Variants in CTBP2 observed in about 807,000 individuals in gnomAD.
CTBP2 encodes the protein C-terminal-binding protein 2.
A neutral mutation model predicts 80.3 loss-of-function variants in CTBP2; 30 were observed. The observed-to-expected ratio is 0.37, with a 90% CI of 0.28 to 0.51. The LOEUF is 0.51. CTBP2 is among the 20% of genes least tolerant of loss of function. CTBP2 has a pLI of 0.93. For synonymous variants in CTBP2, 594 were observed against 587.4 expected (o/e 1.01, Z -0.16); for missense variants, 1,212 against 1,375.3 (o/e 0.88, Z 1.88).
chr10:125,064,286 T>C (rs544751336), intron 2 of CTBP2, among the ~76,000 whole-genome samples: 35 of 152,338 alleles, frequency 2.3e-4, no homozygotes, highest in African/African-American at 8.2e-4. Context: ...CAACAATGGA[T>C]TGATCTTTTT....
chr10:125,068,632 G>C (rs12572463), intron 2 of CTBP2, among the ~76,000 whole-genome samples: 11,689 of 152,228 alleles, frequency 0.077, 698 homozygotes, highest in East Asian at 0.29. Flanking sequence ...GATGGCCAGG[G>C]TGCAAAGGTC....
In CTBP2 at chr10:125,124,695, A is replaced by G. The variant is rs921251516; in HGVS notation, c.-205-13602T>C. 3.9e-5 allele frequency among the ~76,000 whole-genome samples: 6 copies of G among 152,364 alleles called. No homozygotes were observed. In the East Asian group the frequency reaches 1.2e-3, roughly 29 times the overall value. ...AAAAATTATATTCTACATACATTAA[A>G]TATATAATTTGATTAAACATATTTA... is the stretch of plus-strand genomic sequence containing the variant. On this transcript the variant is annotated intron_variant, in intron 1 of 10. Transcript: ENST00000337195.
chr10:125,038,979 C>A lies in CTBP2; in HGVS notation c.58+18G>T, dbSNP rs77811388. On this transcript the variant is annotated intron_variant, in intron 3 of 10. Transcript: ENST00000337195. ...GGGACTACGTATGTTTGGTAAAAAC[C>A]GCCAAACACGCTCTTACCTTCACAA... 1,040 of 1,611,674 alleles carry A rather than the reference C, an allele frequency of 6.5e-4. 7 individuals are homozygous for A. The African/African-American group carries it at 0.012, about 19-fold the overall frequency.
chr10:125,017,053 A>G (rs930656766), intron 1 of CTBP2, among the ~76,000 whole-genome samples: 1 of 152,156 alleles, frequency 6.6e-6, no homozygotes, highest in Non-Finnish European at 1.5e-5. Context: ...AAAATCCCTT[A>G]ATGCAATCCC....
At chr10:125,147,664 A>G (rs775676957) in intron 1 of CTBP2, among the ~76,000 whole-genome samples, 1 of 150,960 alleles carries the variant, frequency 6.6e-6, no homozygotes, top group Non-Finnish European at 1.5e-5. Context: ...TTGGGAGGCC[A>G]AGGAGGGAGG....
chr10:125,054,918 G>A (rs114046568), intron 2 of CTBP2, among the ~76,000 whole-genome samples: 1 of 152,138 alleles, frequency 6.6e-6, no homozygotes, highest in Admixed American at 6.5e-5. Context: ...CAAGCTGAAG[G>A]AACGGAAAGT....
intron 1 of CTBP2, among the ~76,000 whole-genome samples, chr10:125,023,485 G>A (rs1373352237): frequency 6.6e-6 from 1 of 152,224 alleles, no homozygotes; most frequent in Non-Finnish European, 1.5e-5. Flanking sequence ...CTGGCTCGCA[G>A]CCACCGCCGG....
chr10:125,021,022 G>A (rs111530484), intron 1 of CTBP2, among the ~76,000 whole-genome samples: 7 of 152,234 alleles, frequency 4.6e-5, no homozygotes, highest in South Asian at 2.1e-4. Flanking sequence ...TAGTTGTCCC[G>A]GCATGGCTCA....
At chr10:125,131,510 T>C (rs1856181141) in intron 1 of CTBP2, among the ~76,000 whole-genome samples, 1 of 152,154 alleles carries the variant, frequency 6.6e-6, no homozygotes, top group Admixed American at 6.5e-5. Context: ...TTTAGGCTGG[T>C]GAATGGGAGA....
intron 1 of CTBP2, among the ~76,000 whole-genome samples, chr10:125,134,768 G>C (rs1171408533): frequency 6.6e-6 from 1 of 151,994 alleles, no homozygotes; most frequent in African/African-American, 2.4e-5. Flanking sequence ...CAGTACAGAT[G>C]CGTGTGGCCA....
upstream of CTBP2, among the ~76,000 whole-genome samples, chr10:125,032,239 C>T (rs898017524): frequency 1.7e-4 from 26 of 152,140 alleles, no homozygotes; most frequent in African/African-American, 5.8e-4. Context: ...GGACAGCACC[C>T]GGCACAAGAC....
At chr10:125,019,286 G>A (rs1194260585) in intron 1 of CTBP2, among the ~76,000 whole-genome samples, 1 of 152,016 alleles carries the variant, frequency 6.6e-6, no homozygotes, top group Non-Finnish European at 1.5e-5. Flanking sequence ...CGCTAACGTG[G>A]GCTAATTAGT....
intron 2 of CTBP2, among the ~76,000 whole-genome samples, chr10:125,093,599 C>T (rs987883827): frequency 2.0e-5 from 3 of 152,168 alleles, no homozygotes; most frequent in Non-Finnish European, 2.9e-5. Flanking sequence ...CCAGGCTGCC[C>T]CACCCCCTCC....
At chr10:125,001,996 G>C (rs572352623) in intron 3 of CTBP2, among the ~76,000 whole-genome samples, 2 of 152,184 alleles carry the variant, frequency 1.3e-5, no homozygotes, top group Non-Finnish European at 2.9e-5. Flanking sequence ...CACCCAGCCC[G>C]TCCCGGAAGC....
intron 1 of CTBP2, among the ~76,000 whole-genome samples, chr10:125,016,932 G>A (rs1956556299): frequency 6.6e-6 from 1 of 152,244 alleles, no homozygotes; most frequent in South Asian, 2.1e-4. Context: ...GTTGGGTTGA[G>A]AGGCCAGAGG....
intron 2 of CTBP2, among the ~76,000 whole-genome samples, chr10:125,072,548 G>A (rs1443854228): frequency 2.7e-5 from 4 of 149,336 alleles, no homozygotes; most frequent in East Asian, 2.0e-4. Context: ...CCTGGGAAGC[G>A]GAGGCTGCAG....
chr10:125,161,512 C>G (rs921529138), upstream of CTBP2, among the ~76,000 whole-genome samples: 61 of 152,082 alleles, frequency 4.0e-4, no homozygotes, highest in African/African-American at 1.5e-3. Flanking sequence ...CTCCTGGTGC[C>G]CCGCACCGGC....
At chr10:125,137,058 A>C (rs1857086458) in intron 1 of CTBP2, among the ~76,000 whole-genome samples, 1 of 152,338 alleles carries the variant, frequency 6.6e-6, no homozygotes, top group South Asian at 2.1e-4. Flanking sequence ...AAGGTCTCAT[A>C]TTCCTGCTTG....
chr10:125,151,267 T>C (rs541722571), intron 1 of CTBP2, among the ~76,000 whole-genome samples: 1 of 152,154 alleles, frequency 6.6e-6, no homozygotes, highest in Admixed American at 6.6e-5. Flanking sequence ...CCTACCACTC[T>C]GCGCTCGGAC....
Sources: allele counts gnomAD v4.1 joint callset (sites outside exome capture counted in the v4.1 genomes callset), GRCh38; gene constraint gnomAD v4.1.1; transcripts MANE v1.5; gene names NCBI Gene and HGNC (gene_info 2026-07-23, HGNC 2026-07-21).